Variants in LAMC2 observed in about 807,000 individuals in gnomAD.
LAMC2 encodes laminin subunit gamma 2.
In LAMC2, 97 loss-of-function variants were observed where a neutral mutation model predicts 140.2. The ratio of observed to expected loss-of-function variants is 0.69; its 90% confidence interval spans 0.59 to 0.82. LAMC2 has a LOEUF of 0.82. Ranked by LOEUF, LAMC2 falls within the 40% of genes least tolerant of loss-of-function variation. The pLI, the probability that LAMC2 is intolerant of heterozygous loss-of-function variation, is 0.00. For missense variants in LAMC2, 1,402 were observed against 1,476.1 expected (o/e 0.95, Z 0.82); for synonymous variants, 513 against 540.2 (o/e 0.95, Z 0.70).
intron 22 of LAMC2, chr1:183,241,078 T>G (rs968763738): frequency 5.1e-5 from 8 of 155,834 alleles, no homozygotes; most frequent in African/African-American, 1.9e-4. Flanking sequence ...TGAAACCCTG[T>G]CTCTACTAAA....
intron 3 of LAMC2, among the ~76,000 whole-genome samples, chr1:183,216,759 A>G (rs933648810): frequency 6.6e-6 from 1 of 152,074 alleles, no homozygotes; most frequent in African/African-American, 2.4e-5. Context: ...TCCCACTAAA[A>G]TGTAAGCCCC....
chr1:183,226,704 G>C lies in LAMC2; in HGVS notation c.1073G>C (p.Gly358Ala). 2 of 1,614,120 alleles carry C rather than the reference G, an allele frequency of 1.2e-6. No individual in the cohort carries two copies. The highest frequency in any genetic ancestry group is 8.5e-7 in the Non-Finnish European group (1 of 1,179,974). ...IRATYGEYST[G>A]YIDNVTLISA... The stretch of plus-strand genomic sequence containing the variant: ...CCTGTTCTCTCGATTGCAGGTACTG[G>C]GTACATTGACAATGTGACCCTGATT... Residue 358 changes from glycine to alanine, a missense_variant, in exon 9 of 23, where the codon GGG (glycine) becomes GCG (alanine). Gly to Ala is a moderately conservative substitution (Grantham distance 60, BLOSUM62 0). Around this residue, in one of 3 missense-constraint regions of LAMC2, gnomAD observed 723 missense variants for 783.3 expected, o/e 0.92. Coordinates refer to ENST00000264144, the MANE Select transcript of LAMC2 (RefSeq NM_005562.3).
rs599630 is a variant in LAMC2, at chr1:183,243,710, G to A, written c.*310G>A. The A allele has an allele frequency of 0.017, 7,023 of 420,532 alleles. 418 individuals are homozygous for A. The highest frequency in any genetic ancestry group is 0.13 in the African/African-American group (6,318 of 49,906). 26.1% of individuals were successfully genotyped at this position (420,532 alleles called of 1,614,324 possible). ...GGCAGATGTTTGCCTCATAATAGTC[G>A]TAAGTGGAGTCCTGGAATTTGGACA... On this transcript the variant is annotated 3_prime_UTR_variant, in exon 23 of 23. Coordinates refer to ENST00000264144, the MANE Select transcript of LAMC2 (RefSeq NM_005562.3).
At position 183,244,571 on chromosome 1, in the gene LAMC2, G is replaced by A. The variant is rs1660203667; in HGVS notation, c.*1171G>A. Reference sequence around the variant, plus strand: ...AAATTTAAACTTACAAACTTTGTTTGTCACAAGTGGTGTTTATTGCAATAA... The same window carrying A: ...AAATTTAAACTTACAAACTTTGTTTATCACAAGTGGTGTTTATTGCAATAA... On this transcript the variant is annotated 3_prime_UTR_variant, in exon 23 of 23. Coordinates refer to ENST00000264144, the MANE Select transcript of LAMC2 (RefSeq NM_005562.3). The A allele has an allele frequency of 6.6e-6, 1 of 152,652 alleles. No homozygotes were observed. The highest frequency in any genetic ancestry group is 2.4e-5 in the African/African-American group (1 of 41,450). The allele number at this position is 152,652 out of a possible 1,614,324, so 9.5% of individuals were successfully genotyped here. A position where few individuals can be genotyped will look rare whatever the true frequency, so the allele number is the denominator to read the frequency against.
intron 2 of LAMC2, among the ~76,000 whole-genome samples, chr1:183,214,859 G>A (rs1659201678): frequency 6.6e-6 from 1 of 152,090 alleles, no homozygotes; most frequent in Non-Finnish European, 1.5e-5. Context: ...TTACAACTAG[G>A]AGCATATCTG....
intron 1 of LAMC2, among the ~76,000 whole-genome samples, chr1:183,203,965 C>T (rs1006365211): frequency 6.6e-6 from 1 of 152,120 alleles, no homozygotes; most frequent in Non-Finnish European, 1.5e-5. Flanking sequence ...TCCCTGGAAC[C>T]GTAATGCAAC....
chr1:183,197,600 T>C (rs1052360784), intron 1 of LAMC2, among the ~76,000 whole-genome samples: 4 of 149,936 alleles, frequency 2.7e-5, no homozygotes, highest in East Asian at 2.0e-4. Flanking sequence ...GGCGTGAACC[T>C]GGGAGGCGGA....
chr1:183,243,091 A>G, intron 22 of LAMC2, 56 bp from the exon 23 acceptor site: 1 of 1,607,220 alleles, frequency 6.2e-7, no homozygotes, highest in Non-Finnish European at 8.5e-7. Context: ...ACGGGTGTTC[A>G]AGGAGATCTA....
intron 1 of LAMC2, among the ~76,000 whole-genome samples, chr1:183,193,652 A>T (rs111712096): frequency 1.9e-3 from 292 of 152,344 alleles, no homozygotes; most frequent in African/African-American, 6.8e-3. Flanking sequence ...TCCAACAGTA[A>T]TCTGAAGCTG....
intron 9 of LAMC2, 36 bp downstream of exon 9, chr1:183,226,952 T>G: frequency 6.5e-7 from 1 of 1,532,864 alleles, no homozygotes. Context: ...GTGGCTGGGG[T>G]GTCATGTGGA....
At position 183,208,039 on chromosome 1, in the gene LAMC2, C is replaced by T. The variant is rs1410517666; in HGVS notation, c.238C>T (p.Arg80Cys). Residue 80 changes from arginine to cysteine, a missense_variant, in exon 2 of 23, where the codon CGC becomes TGC. By Grantham distance (180) the Arg-to-Cys change is radical. Coordinates refer to ENST00000264144, the MANE Select transcript of LAMC2 (RefSeq NM_005562.3). Reference sequence around the variant, plus strand: ...CTTTTACCGGCACAGAGAAAGGGACCGCTGTTTGCCCTGCAATTGTAACTC... The same window carrying T: ...CTTTTACCGGCACAGAGAAAGGGACTGCTGTTTGCCCTGCAATTGTAACTC... ...NGFYRHRERDRCLPCNCNSKG... is the reference protein window; with the variant it reads ...NGFYRHRERDCCLPCNCNSKG... The T allele has an allele frequency of 7.4e-6, 12 of 1,613,978 alleles. No individual in the cohort carries two copies. Among genetic ancestry groups the T allele is most frequent in the Non-Finnish European group, 9.3e-6 (11 of 1,180,000 alleles).
Position 183,207,943 on chromosome 1 carries a change from G to C in LAMC2, c.142G>C (p.Gly48Arg), listed in dbSNP as rs764250644. The stretch of plus-strand genomic sequence containing the variant: ...TGATCGGGAACTTCACAGACAAACT[G>C]GTAATGGATTCCGCTGCCTCAACTG... ...IFDRELHRQT[G>R]NGFRCLNCND... Residue 48 changes from glycine (G) to arginine (R), a missense_variant, in exon 2 of 23, where the codon GGT becomes CGT. Physicochemically the swap from Gly to Arg is moderately radical, Grantham distance 125. Transcript: ENST00000264144. 1.4e-5 allele frequency: 23 copies of C among 1,613,270 alleles called. No homozygotes were observed. The East Asian group carries it at 5.1e-4, about 36-fold the overall frequency.
At chr1:183,196,399 A>C (rs1248378444) in intron 1 of LAMC2, among the ~76,000 whole-genome samples, 1 of 152,202 alleles carries the variant, frequency 6.6e-6, no homozygotes. Flanking sequence ...AGCCTCCCAA[A>C]GTGGTGGGAT....
At chr1:183,240,650 A>T in intron 22 of LAMC2, 1 of 1,386,212 alleles carries the variant, frequency 7.2e-7, no homozygotes, top group African/African-American at 1.5e-5. Context: ...GAACAGGTGT[A>T]TATAAGCAAC....
intron 4 of LAMC2, 144 bp downstream of exon 4, chr1:183,218,632 A>T: frequency 1.4e-6 from 1 of 721,514 alleles, no homozygotes. Context: ...CTCAAAAACT[A>T]AGCTTTTACA....
At chr1:183,186,473 A>C (rs905784413) in intron 1 of LAMC2, 42 bp downstream of exon 1, 20 of 1,592,844 alleles carry the variant, frequency 1.3e-5, no homozygotes, top group Non-Finnish European at 1.7e-5. Context: ...CCCTGGGCTG[A>C]GAATCTGCCT....
Position 183,207,911 on chromosome 1 carries a change from G to A in LAMC2, c.110G>A (p.Cys37Tyr), listed in dbSNP as rs551090720. The A allele has an allele frequency of 6.2e-7, 1 of 1,612,800 alleles. No homozygotes were observed. The highest frequency in any genetic ancestry group is 1.1e-5 in the South Asian group (1 of 91,036). ...GATTGCAATGGGAAGTCCAGGCAGT[G>A]TATCTTTGATCGGGAACTTCACAGA... ...VCDCNGKSRQ[C>Y]IFDRELHRQT... Residue 37 changes from cysteine (C) to tyrosine (Y), a missense_variant, in exon 2 of 23, where the codon TGT becomes TAT. By Grantham distance (194) the Cys-to-Tyr change is radical. This residue lies in a region of LAMC2 where 723 missense variants were observed against 783.3 expected (regional missense o/e 0.92). Transcript: ENST00000264144.
chr1:183,193,852 A>AGACC (rs879424324), intron 1 of LAMC2, among the ~76,000 whole-genome samples: 61,685 of 151,746 alleles, frequency 0.41, 13,373 homozygotes, highest in East Asian at 0.63. Flanking sequence ...CTCTTCTCAA[A>AGACC]ATGTTTGTTA....
At position 183,230,029 on chromosome 1, in the gene LAMC2, G is replaced by A. The variant is rs142745489; in HGVS notation, c.1715-932G>A. 1.4e-4 allele frequency among the ~76,000 whole-genome samples: 22 copies of A among 152,214 alleles called. No homozygotes were observed. The East Asian group carries it at 3.3e-3, about 23-fold the overall frequency. ...TATATGTGTGATTAATATTTAACTC[G>A]AAGTGGTGGATACAAGAAAGCACAC... On this transcript the variant is annotated intron_variant, in intron 11 of 22. Transcript: ENST00000264144.
Sources: allele counts gnomAD v4.1 joint callset (sites outside exome capture counted in the v4.1 genomes callset), GRCh38; gene constraint gnomAD v4.1.1; regional missense constraint gnomAD v4.1.1; transcripts MANE v1.5; gene names NCBI Gene and HGNC (gene_info 2026-07-23, HGNC 2026-07-21).